DYRK2: variants seen among roughly 807,000 people sequenced by gnomAD.
The protein encoded by DYRK2 is dual specificity tyrosine phosphorylation regulated kinase 2, also known as dual specificity tyrosine-phosphorylation-regulated kinase 2.
A neutral mutation model predicts 41.6 loss-of-function variants in DYRK2; 12 were observed. That is an observed-to-expected ratio of 0.29 (90% confidence interval 0.18 to 0.47). The LOEUF is 0.47. DYRK2 is among the 20% of genes least tolerant of loss of function. The probability of loss-of-function intolerance (pLI) is 1.00; values close to 1 mark genes in which losing one functional copy is unlikely to be tolerated. For synonymous variants in DYRK2, 322 were observed against 315.7 expected (o/e 1.02, Z -0.21); for missense variants, 678 against 798.4 (o/e 0.85, Z 1.82).
At chr12:67,649,442 C>A (rs1027159912) in intron 1 of DYRK2, among the ~76,000 whole-genome samples, 1 of 151,946 alleles carries the variant, frequency 6.6e-6, no homozygotes, top group Non-Finnish European at 1.5e-5. Flanking sequence ...CCTGCCGCCC[C>A]GCCCTGCGCT....
chr12:67,660,925 A>T lies in DYRK2; in HGVS notation c.*2212A>T, dbSNP rs1408875361. On this transcript the variant is annotated 3_prime_UTR_variant, in exon 3 of 3. Transcript: ENST00000344096. ...TGAGCCTGCCATTATTAATTTCCCT[A>T]TAAAATGACGATACATGTGAACATT... The T allele has an allele frequency of 6.0e-6, 1 of 167,066 alleles. No homozygotes were observed. The highest frequency in any genetic ancestry group is 1.5e-5 in the Non-Finnish European group (1 of 68,100). The allele number at this position is 167,066 out of a possible 1,614,324, so 10.3% of individuals were successfully genotyped here.
At chr12:67,655,634 C>T (rs997999451) in intron 2 of DYRK2, among the ~76,000 whole-genome samples, 4 of 152,126 alleles carry the variant, frequency 2.6e-5, no homozygotes, top group African/African-American at 9.6e-5. Context: ...CACAGTCAGA[C>T]AGGCCCCAAG....
In DYRK2 at chr12:67,662,029, G is replaced by GACCC. The variant is rs1243016142; in HGVS notation, c.*3318_*3319insCCAC. 1 of 166,270 alleles carries GACCC rather than the reference G, an allele frequency of 6.0e-6. No individual in the cohort carries two copies. The highest frequency in any genetic ancestry group is 1.5e-5 in the Non-Finnish European group (1 of 68,082). The allele number at this position is 166,270 out of a possible 1,614,324, so 10.3% of individuals were successfully genotyped here. A position where few individuals can be genotyped will look rare whatever the true frequency, so the allele number is the denominator to read the frequency against. On this transcript the variant is annotated 3_prime_UTR_variant, in exon 3 of 3. Transcript: ENST00000344096. Reference sequence around the variant, plus strand: ...TGGGTGGTTTGGGGTCGTGTTAAATGACTCCATCAGAATGTTAGAAAACAC... The same window carrying GACCC: ...TGGGTGGTTTGGGGTCGTGTTAAATGACCCACTCCATCAGAATGTTAGAAAACAC...
In DYRK2 at chr12:67,649,142, C is replaced by T. The variant is rs1872225682; in HGVS notation, c.9C>T (p.Thr3=). The part of the protein sequence containing the change: ML[T]RKPSAAAPAA... ...TTTCCTCTCCAGCGGCCATGTTAAC[C>T]AGGAAACCTTCGGCCGCCGCTCCCG... The change falls in exon 1 of 3, where the codon ACC becomes ACT. Residue 3 remains threonine (T), a synonymous_variant. Transcript: ENST00000344096. 2 of 1,513,006 alleles carry T rather than the reference C, an allele frequency of 1.3e-6. No individual in the cohort carries two copies. The highest frequency in any genetic ancestry group is 1.8e-6 in the Non-Finnish European group (2 of 1,127,266). 93.7% of individuals were successfully genotyped at this position (1,513,006 alleles called of 1,614,324 possible). A position where few individuals can be genotyped will look rare whatever the true frequency, so the allele number is the denominator to read the frequency against.
chr12:67,660,950 T>A lies in DYRK2; in HGVS notation c.*2237T>A, dbSNP rs1872606397. 1 of 167,068 alleles carries A rather than the reference T, an allele frequency of 6.0e-6. No individual in the cohort carries two copies. The highest frequency in any genetic ancestry group is 1.5e-5 in the Non-Finnish European group (1 of 68,114). The allele number at this position is 167,068 out of a possible 1,614,324, so 10.3% of individuals were successfully genotyped here. On this transcript the variant is annotated 3_prime_UTR_variant, in exon 3 of 3. Coordinates refer to ENST00000344096, the MANE Select transcript of DYRK2 (RefSeq NM_006482.3). ...ATAAAATGACGATACATGTGAACAT[T>A]TATAAATGGACTAATACTGCTTGTC...
In DYRK2 at chr12:67,658,593, T is replaced by C; in HGVS notation, c.1686T>C (p.Ser562=). ...CTGAGAGCACCGGTGCTATCACATC[T>C]ATATCCAAGTTACCTCCACCTTCTA... ...RITESTGAIT[S]ISKLPPPSSS... is the part of the protein sequence containing the mutation. The change falls in exon 3 of 3, where the codon TCT becomes TCC. Residue 562 remains serine (S), a synonymous_variant. Coordinates refer to ENST00000344096, the MANE Select transcript of DYRK2 (RefSeq NM_006482.3). The surrounding 1 kb of genome is among the most constrained non-coding windows in gnomAD (Gnocchi z 4.3). The C allele has an allele frequency of 6.2e-7, 1 of 1,614,174 alleles. No homozygotes were observed. Among genetic ancestry groups the C allele is most frequent in the Non-Finnish European group, 8.5e-7 (1 of 1,180,018 alleles).
Position 67,657,290 on chromosome 12 carries a change from A to G in DYRK2, c.383A>G (p.Asp128Gly), listed in dbSNP as rs1377242176. ...CCAGTGGTGCCAGAGCGGCAGCTGG[A>G]CAGCATTCATAGACGGCAGGGGAGC... The part of the protein sequence containing the change: ...GLPVVPERQL[D>G]SIHRRQGSST... Residue 128 changes from aspartate (D) to glycine (G), a missense_variant, in exon 3 of 3, where the codon GAC becomes GGC. Physicochemically the swap from Asp to Gly is moderately conservative, Grantham distance 94. Around this residue, in one of 2 missense-constraint regions of DYRK2, gnomAD observed 285 missense variants for 279.2 expected, o/e 1.02. Coordinates refer to ENST00000344096, the MANE Select transcript of DYRK2 (RefSeq NM_006482.3). The surrounding 1 kb of genome is among the most constrained non-coding windows in gnomAD (Gnocchi z 4.8). 6.2e-7 allele frequency: 1 copy of G among 1,614,012 alleles called. No homozygotes were observed. Among genetic ancestry groups the G allele is most frequent in the South Asian group, 1.1e-5 (1 of 91,030 alleles).
Position 67,662,250 on chromosome 12 carries a change from T to G in DYRK2, c.*3537T>G, listed in dbSNP as rs1872644615. On this transcript the variant is annotated 3_prime_UTR_variant, in exon 3 of 3. Transcript: ENST00000344096. ...CTGTAATAGCATTAAAAAAAGTATTTGTGAACTCTGTTTCTTAGGGGCTTG... is the reference window on the plus strand; with the variant it reads ...CTGTAATAGCATTAAAAAAAGTATTGGTGAACTCTGTTTCTTAGGGGCTTG... The G allele has an allele frequency of 6.0e-6, 1 of 166,988 alleles. No homozygotes were observed. The highest frequency in any genetic ancestry group is 2.1e-4 in the South Asian group (1 of 4,820). The allele number at this position is 166,988 out of a possible 1,614,324, so 10.3% of individuals were successfully genotyped here.
In DYRK2 at chr12:67,657,067, C is replaced by T; in HGVS notation, c.199-39C>T. ...TACTTATACACCATTTGAACAGACA[C>T]CACTTCTTTTCTATTTATATTTCCT... On this transcript the variant is annotated intron_variant, in intron 2 of 2. Transcript: ENST00000344096. The surrounding 1 kb of genome is among the most constrained non-coding windows in gnomAD (Gnocchi z 4.8). 1 of 1,522,498 alleles carries T rather than the reference C, an allele frequency of 6.6e-7. No homozygotes were observed. Among genetic ancestry groups the T allele is most frequent in the East Asian group, 2.3e-5 (1 of 43,968 alleles). 94.3% of individuals were successfully genotyped at this position (1,522,498 alleles called of 1,614,324 possible). A position where few individuals can be genotyped will look rare whatever the true frequency, so the allele number is the denominator to read the frequency against.
intron 2 of DYRK2, among the ~76,000 whole-genome samples, chr12:67,654,553 G>A (rs534805104): frequency 6.0e-4 from 92 of 152,298 alleles, no homozygotes; most frequent in Non-Finnish European, 1.2e-3. Context: ...ATGAGGCAGT[G>A]TTGATGGAAA....
intron 2 of DYRK2, among the ~76,000 whole-genome samples, chr12:67,653,910 T>C (rs922178100): frequency 6.6e-6 from 1 of 152,080 alleles, no homozygotes; most frequent in Non-Finnish European, 1.5e-5. Flanking sequence ...AGTAAAAGGG[T>C]GAATCACCTA....
chr12:67,658,610 C>T lies in DYRK2; in HGVS notation c.1703C>T (p.Pro568Leu), dbSNP rs767994749. 4.3e-6 allele frequency: 7 copies of T among 1,614,170 alleles called. No individual in the cohort carries two copies. Among genetic ancestry groups the T allele is most frequent in the Non-Finnish European group, 5.9e-6 (7 of 1,180,026 alleles). ...ATCACATCTATATCCAAGTTACCTC[C>T]ACCTTCTAGCTCAGCTTCCAAACTG... ...GAITSISKLP[P>L]PSSSASKLRT... Residue 568 changes from proline to leucine, a missense_variant, in exon 3 of 3, where the codon CCA (proline) becomes CTA (leucine). Physicochemically the swap from Pro to Leu is moderately conservative, Grantham distance 98. This residue lies in a region of DYRK2 where 393 missense variants were observed against 519.1 expected (regional missense o/e 0.76). Coordinates refer to ENST00000344096, the MANE Select transcript of DYRK2 (RefSeq NM_006482.3). This position sits in a 1 kb window ranked among gnomAD's most constrained non-coding sequence, Gnocchi z 4.3.
chr12:67,651,802 A>G, intron 2 of DYRK2: 1 of 344,884 alleles, frequency 2.9e-6, no homozygotes, highest in South Asian at 2.3e-5. Flanking sequence ...ACAGACTCAG[A>G]CAAGGTAACT....
In DYRK2 at chr12:67,657,767, T is replaced by C. The variant is rs771602708; in HGVS notation, c.860T>C (p.Met287Thr). The stretch of plus-strand genomic sequence containing the variant: ...GATAACACAATGAATGTCATCCATA[T>C]GCTGGAGAATTTCACCTTCCGCAAC... ...DKDNTMNVIH[M>T]LENFTFRNHI... The change falls in exon 3 of 3, where the codon ATG becomes ACG. Residue 287 changes from methionine to threonine, a missense_variant. Met to Thr is a moderately conservative substitution (Grantham distance 81). This residue lies in a region of DYRK2 where 393 missense variants were observed against 519.1 expected (regional missense o/e 0.76). Transcript: ENST00000344096. The surrounding 1 kb of genome is among the most constrained non-coding windows in gnomAD (Gnocchi z 4.8). 1.9e-6 allele frequency: 3 copies of C among 1,614,102 alleles called. No homozygotes were observed. The highest frequency in any genetic ancestry group is 2.5e-6 in the Non-Finnish European group (3 of 1,180,050).
Position 67,664,128 on chromosome 12 carries a change from A to G in DYRK2, c.*5415A>G, listed in dbSNP as rs1394489830. 1 of 152,216 alleles carries G rather than the reference A, an allele frequency of 6.6e-6. No homozygotes were observed. Among genetic ancestry groups the G allele is most frequent in the Non-Finnish European group, 1.5e-5 (1 of 68,028 alleles). 9.4% of individuals were successfully genotyped at this position (152,216 alleles called of 1,614,324 possible). A position where few individuals can be genotyped will look rare whatever the true frequency, so the allele number is the denominator to read the frequency against. On this transcript the variant is annotated 3_prime_UTR_variant, in exon 3 of 3. Coordinates refer to ENST00000344096, the MANE Select transcript of DYRK2 (RefSeq NM_006482.3). ...CTGTCCAAAATGAAAAATGACTGCC[A>G]GTGTGTTGCACATACATAAGAAAAT...
intron 2 of DYRK2, among the ~76,000 whole-genome samples, chr12:67,654,877 G>A: frequency 6.6e-6 from 1 of 152,164 alleles, no homozygotes; most frequent in Non-Finnish European, 1.5e-5. Flanking sequence ...CAAACATCAG[G>A]CCATGGGCAG....
At chr12:67,654,788 G>T (rs531891342) in intron 2 of DYRK2, among the ~76,000 whole-genome samples, 1 of 152,324 alleles carries the variant, frequency 6.6e-6, no homozygotes, top group South Asian at 2.1e-4. Flanking sequence ...GGGAGAGGGA[G>T]CTGATCGATA....
chr12:67,649,052 C>A lies in DYRK2; in HGVS notation c.-82C>A. 6.0e-6 allele frequency: 7 copies of A among 1,167,614 alleles called. No individual in the cohort carries two copies. Among genetic ancestry groups the A allele is most frequent in the South Asian group, 5.8e-5 (3 of 51,702 alleles). The allele number at this position is 1,167,614 out of a possible 1,614,324, so 72.3% of individuals were successfully genotyped here. On this transcript the variant is annotated 5_prime_UTR_variant, in exon 1 of 3. Coordinates refer to ENST00000344096, the MANE Select transcript of DYRK2 (RefSeq NM_006482.3). ...ACCCGCGCGAGGGGCGGCCGGGAGGCGGCGGCGGCGGCCGCCAGAAGTAGC... is the reference window on the plus strand; with the variant it reads ...ACCCGCGCGAGGGGCGGCCGGGAGGAGGCGGCGGCGGCCGCCAGAAGTAGC...
Position 67,657,505 on chromosome 12 carries a change from A to T in DYRK2, c.598A>T (p.Asn200Tyr). 6.2e-7 allele frequency: 1 copy of T among 1,614,026 alleles called. No homozygotes were observed. The highest frequency in any genetic ancestry group is 8.5e-7 in the Non-Finnish European group (1 of 1,179,950). Reference protein sequence around the residue: ...KRQGMTGGPNNGGYDDDQGSY... With the variant: ...KRQGMTGGPNYGGYDDDQGSY... ...CCAGGGCATGACAGGTGGGCCCAAC[A>T]ATGGTGGCTATGATGATGACCAGGG... Residue 200 changes from asparagine (N) to tyrosine (Y), a missense_variant, in exon 3 of 3, where the codon AAT (asparagine) becomes TAT (tyrosine). Physicochemically the swap from Asn to Tyr is moderately radical, Grantham distance 143. This residue lies in a region of DYRK2 where 285 missense variants were observed against 279.2 expected (regional missense o/e 1.02). Coordinates refer to ENST00000344096, the MANE Select transcript of DYRK2 (RefSeq NM_006482.3). This position sits in a 1 kb window ranked among gnomAD's most constrained non-coding sequence, Gnocchi z 4.8.
Sources: gnomAD v4.1 joint callset for allele counts (sites outside exome capture counted in the v4.1 genomes callset) on GRCh38, gnomAD v4.1.1 for gene constraint, gnomAD v4.1.1 regional missense constraint, Gnocchi (gnomAD v3.1) non-coding constraint, MANE v1.5 for transcripts, NCBI Gene and HGNC (gene_info 2026-07-23, HGNC 2026-07-21) for gene names.